Variants in RIPOR2 observed in about 807,000 individuals in gnomAD.
The protein encoded by RIPOR2 is rho family-interacting cell polarization regulator 2.
A neutral mutation model predicts 114.5 loss-of-function variants in RIPOR2; 39 were observed. That is an observed-to-expected ratio of 0.34 (90% CI 0.26 to 0.44). The LOEUF (loss-of-function observed/expected upper bound fraction) is 0.44, where lower values mean the gene tolerates loss of function less well. Ranked by LOEUF, RIPOR2 falls within the 20% of genes least tolerant of loss-of-function variation. RIPOR2 has a pLI of 1.00. For synonymous variants in RIPOR2, 445 were observed against 484.4 expected (o/e 0.92, Z 1.07); for missense variants, 1,007 against 1,255.1 (o/e 0.80, Z 2.99).
intron 1 of RIPOR2, among the ~76,000 whole-genome samples, chr6:25,001,567 T>C (rs981550576): frequency 6.4e-5 from 9 of 141,698 alleles, no homozygotes; most frequent in African/African-American, 1.9e-4. Context: ...AGAGGTTGCA[T>C]TGAGCCAAGA....
chr6:24,930,531 T>A (rs1771306013), intron 1 of RIPOR2, among the ~76,000 whole-genome samples: 1 of 152,240 alleles, frequency 6.6e-6, no homozygotes, highest in Non-Finnish European at 1.5e-5. Flanking sequence ...TGCAATGTGC[T>A]ATTTTAGTTT....
intron 1 of RIPOR2, chr6:25,024,448 C>T: frequency 5.4e-6 from 5 of 928,362 alleles, no homozygotes; most frequent in Non-Finnish European, 3.5e-6. Flanking sequence ...AGGCCGCCAC[C>T]ATAGGCCAGA....
intron 1 of RIPOR2, among the ~76,000 whole-genome samples, chr6:24,979,111 C>G (rs1050930743): frequency 2.6e-5 from 4 of 152,134 alleles, no homozygotes; most frequent in African/African-American, 9.7e-5. Flanking sequence ...TTCTATCACT[C>G]CTTATGAGAT....
chr6:24,820,052 G>A (rs564265861), intron 19 of RIPOR2, among the ~76,000 whole-genome samples: 197 of 151,980 alleles, frequency 1.3e-3, no homozygotes, highest in Middle Eastern at 6.8e-3. Flanking sequence ...TATTTTTGGA[G>A]ATGGAGTTTC....
At chr6:24,964,072 C>T (rs1432470343) in intron 1 of RIPOR2, among the ~76,000 whole-genome samples, 1 of 151,148 alleles carries the variant, frequency 6.6e-6, no homozygotes, top group Admixed American at 6.6e-5. Flanking sequence ...TTACTTTTTA[C>T]ATAACTTTAG....
chr6:24,808,136 G>C (rs1780897184), intron 21 of RIPOR2, among the ~76,000 whole-genome samples: 2 of 152,180 alleles, frequency 1.3e-5, no homozygotes, highest in South Asian at 4.1e-4. Context: ...GCACACTGGT[G>C]GTGTGAGAGG....
chr6:24,912,065 C>G (rs1159491309), intron 1 of RIPOR2, among the ~76,000 whole-genome samples: 1 of 152,216 alleles, frequency 6.6e-6, no homozygotes, highest in Non-Finnish European at 1.5e-5. Flanking sequence ...GGCTGGAATA[C>G]AAGCAGCCAG....
intron 1 of RIPOR2, among the ~76,000 whole-genome samples, chr6:25,003,574 C>T (rs987181783): frequency 6.6e-6 from 1 of 152,056 alleles, no homozygotes; most frequent in East Asian, 1.9e-4. Flanking sequence ...GGACTACATG[C>T]GTGCACCACC....
intron 1 of RIPOR2, among the ~76,000 whole-genome samples, chr6:24,987,041 T>G (rs1466087004): frequency 6.6e-6 from 1 of 152,216 alleles, no homozygotes; most frequent in African/African-American, 2.4e-5. Flanking sequence ...TGGGCAGGCT[T>G]GCTTTAGAGG....
At chr6:24,825,747 T>A (rs1218235041) in intron 18 of RIPOR2, among the ~76,000 whole-genome samples, 1 of 152,090 alleles carries the variant, frequency 6.6e-6, no homozygotes, top group Non-Finnish European at 1.5e-5. Flanking sequence ...ATTAGACATT[T>A]TTTACAATCT....
At chr6:24,889,405 G>A (rs986827076) in intron 1 of RIPOR2, among the ~76,000 whole-genome samples, 1 of 152,142 alleles carries the variant, frequency 6.6e-6, no homozygotes, top group African/African-American at 2.4e-5. Context: ...TTTTTAAAAG[G>A]CTATAAGTGA....
intron 19 of RIPOR2, among the ~76,000 whole-genome samples, chr6:24,823,726 G>A (rs1166290440): frequency 6.6e-6 from 1 of 152,092 alleles, no homozygotes; most frequent in African/African-American, 2.4e-5. Context: ...ATAGCCAAAG[G>A]AAGGCTATGT....
chr6:24,957,890 CA>C (rs1773112700), intron 1 of RIPOR2, among the ~76,000 whole-genome samples: 1 of 152,046 alleles, frequency 6.6e-6, no homozygotes, highest in South Asian at 2.1e-4. Flanking sequence ...AACAAAAAAG[CA>C]AAAACAAATA....
intron 1 of RIPOR2, among the ~76,000 whole-genome samples, chr6:24,989,761 C>G (rs1282072996): frequency 6.6e-6 from 1 of 151,820 alleles, no homozygotes; most frequent in Non-Finnish European, 1.5e-5. Context: ...ATTTAATACC[C>G]TGGCTGGGCG....
chr6:24,850,123 G>GTC (rs1762727176), intron 10 of RIPOR2, among the ~76,000 whole-genome samples, 173 bp from the exon 11 acceptor site: 1 of 148,882 alleles, frequency 6.7e-6, no homozygotes, highest in African/African-American at 2.5e-5. Flanking sequence ...TGGAGACAGG[G>GTC]TCTCTCTCTG....
At chr6:24,906,033 A>G (rs1221944252) in intron 1 of RIPOR2, among the ~76,000 whole-genome samples, 1 of 152,190 alleles carries the variant, frequency 6.6e-6, no homozygotes, top group Non-Finnish European at 1.5e-5. Context: ...ATTAAAAGAC[A>G]CTGTTGTTTT....
intron 1 of RIPOR2, among the ~76,000 whole-genome samples, chr6:24,923,385 C>T (rs1227532475): frequency 6.6e-6 from 1 of 152,096 alleles, no homozygotes; most frequent in Non-Finnish European, 1.5e-5. Context: ...GGTATATACC[C>T]AGAAGTGGAA....
chr6:24,933,154 GTCCTA>G (rs1196057193), intron 1 of RIPOR2, among the ~76,000 whole-genome samples: 1 of 152,146 alleles, frequency 6.6e-6, no homozygotes, highest in African/African-American at 2.4e-5. Context: ...CTGTAAATAA[GTCCTA>G]TTTTGAATCT....
Position 24,808,727 on chromosome 6 carries a change from G to A in RIPOR2, c.3043+990C>T, listed in dbSNP as rs187012104. 3.7e-3 allele frequency among the ~76,000 whole-genome samples: 562 copies of A among 150,394 alleles called. 4 individuals are homozygous for A. The highest frequency in any genetic ancestry group is 0.014 in the Middle Eastern group (4 of 292). On this transcript the variant is annotated intron_variant, in intron 21 of 21. Coordinates refer to ENST00000643898, the MANE Select transcript of RIPOR2 (RefSeq NM_001286445.3). ...TATACTTTAAGATTGTGTTGTTGAA[G>A]TAAAATTATTTATAATAATTATTTA...
Sources: allele counts gnomAD v4.1 joint callset (sites outside exome capture counted in the v4.1 genomes callset), GRCh38; gene constraint gnomAD v4.1.1; transcripts MANE v1.5; gene names NCBI Gene and HGNC (gene_info 2026-07-23, HGNC 2026-07-21).